Variants in CORO2A observed in about 807,000 individuals in gnomAD.
CORO2A encodes the protein coronin 2A, also known as coronin-2A.
CORO2A carries 47 observed loss-of-function variants against 62.4 expected under a neutral mutation model. The observed-to-expected ratio is 0.75, with a 90% CI of 0.60 to 0.96. CORO2A has a LOEUF of 0.96. Ranked by LOEUF, CORO2A falls within the 40% of genes least tolerant of loss-of-function variation. CORO2A has a pLI of 0.00. For missense variants in CORO2A, 610 were observed against 684.1 expected (o/e 0.89, Z 1.21); for synonymous variants, 273 against 268.9 (o/e 1.02, Z -0.15).
At chr9:98,128,461 A>T in intron 9 of CORO2A, 146 bp downstream of exon 9, 2 of 780,598 alleles carry the variant, frequency 2.6e-6, no homozygotes, top group Non-Finnish European at 4.3e-6. Flanking sequence ...CCTGACGCCC[A>T]CTGATGTCAC....
At chr9:98,173,287 T>A (rs1403935899) in intron 1 of CORO2A, among the ~76,000 whole-genome samples, 3 of 152,190 alleles carry the variant, frequency 2.0e-5, no homozygotes, top group Non-Finnish European at 4.4e-5. Context: ...TCTTTGAGAA[T>A]CGCTGCTCTA....
chr9:98,153,649 A>AACACAC (rs55685018), intron 2 of CORO2A, among the ~76,000 whole-genome samples: 8,356 of 133,868 alleles, frequency 0.062, 305 homozygotes, highest in Middle Eastern at 0.12. Context: ...TCTGTTTCCA[A>AACACAC]ACACACACAC....
intron 1 of CORO2A, among the ~76,000 whole-genome samples, chr9:98,164,641 T>G (rs1012572094): frequency 2.0e-5 from 3 of 152,208 alleles, no homozygotes; most frequent in Non-Finnish European, 2.9e-5. Context: ...GACCCTGGTT[T>G]AAACCACCAC....
At chr9:98,157,835 T>TAC (rs1827827930) in intron 1 of CORO2A, among the ~76,000 whole-genome samples, 175 bp from the exon 2 acceptor site, 1 of 152,206 alleles carries the variant, frequency 6.6e-6, no homozygotes, top group Non-Finnish European at 1.5e-5. Flanking sequence ...TTACAGTTAC[T>TAC]TCTGTAGACC....
chr9:98,187,232 G>A (rs7031271), intron 1 of CORO2A, among the ~76,000 whole-genome samples: 52,202 of 145,364 alleles, frequency 0.36, 10,531 homozygotes, highest in African/African-American at 0.58. Context: ...GCAGTGAGCC[G>A]AGATCGTGCT....
At chr9:98,154,327 GTGTA>G (rs1169931692) in intron 2 of CORO2A, among the ~76,000 whole-genome samples, 7,334 of 93,322 alleles carry the variant, frequency 0.079, 737 homozygotes, top group African/African-American at 0.25. Context: ...ATGTGTTTGT[GTGTA>G]TATATATATA....
chr9:98,158,940 G>A (rs557296204), intron 1 of CORO2A, among the ~76,000 whole-genome samples: 4 of 152,156 alleles, frequency 2.6e-5, no homozygotes, highest in East Asian at 1.9e-4. Context: ...GCCTGTGAGA[G>A]GGTCTAGGCC....
intron 2 of CORO2A, among the ~76,000 whole-genome samples, chr9:98,142,371 TC>T (rs1180398445): frequency 2.0e-5 from 3 of 152,244 alleles, no homozygotes; most frequent in Non-Finnish European, 4.4e-5. Context: ...GTGCTGTACT[TC>T]CTGTGCTCTG....
chr9:98,127,719 C>T (rs1827345903), intron 10 of CORO2A, among the ~76,000 whole-genome samples: 1 of 143,746 alleles, frequency 7.0e-6, no homozygotes, highest in South Asian at 2.2e-4. Context: ...GAGGCTGAGG[C>T]ATGAGAATCA....
At position 98,133,172 on chromosome 9, in the gene CORO2A, G is replaced by C. The variant is rs944716767; in HGVS notation, c.514C>G (p.Pro172Ala). ...TGGTGACAGCTAATCGTACTCATGG[G>C]GCTTGTGATGACAGACTCCTTTGTA... ...LDTKESVITS[P>A]MSTISCHQDV... Residue 172 changes from proline to alanine, a missense_variant, in exon 5 of 12, where the codon CCC becomes GCC. Transcript: ENST00000375077. 8.1e-6 allele frequency: 13 copies of C among 1,614,220 alleles called. No homozygotes were observed. The highest frequency in any genetic ancestry group is 1.1e-5 in the Non-Finnish European group (13 of 1,180,042).
rs200790091 is a variant in CORO2A, at chr9:98,148,810, A to AC, written c.201+8649_201+8650insG. On this transcript the variant is annotated intron_variant, in intron 2 of 11. Transcript: ENST00000375077. Reference sequence around the variant, plus strand: ...AACAAAACACACACACACAAAACACAAAAAAAAATGATCAATACTCAATAT... The same window carrying AC: ...AACAAAACACACACACACAAAACACACAAAAAAAATGATCAATACTCAATAT... Among the ~76,000 whole-genome samples, 629 of 68,100 alleles carry AC rather than the reference A, an allele frequency of 9.2e-3. 9 individuals carry two copies. Among genetic ancestry groups the AC allele is most frequent in the African/African-American group, 0.032 (616 of 19,270 alleles). 44.7% of individuals were successfully genotyped at this position (68,100 alleles called of 152,430 possible).
In CORO2A at chr9:98,157,464, T is replaced by C. The variant is rs180798870; in HGVS notation, c.197A>G (p.His66Arg). 1 of 1,614,130 alleles carries C rather than the reference T, an allele frequency of 6.2e-7. No individual in the cohort carries two copies. Among genetic ancestry groups the C allele is most frequent in the Non-Finnish European group, 8.5e-7 (1 of 1,180,016 alleles). Residue 66 changes from histidine to arginine, a missense_variant, in exon 2 of 12, where the codon CAC becomes CGC. Coordinates refer to ENST00000375077, the MANE Select transcript of CORO2A (RefSeq NM_052820.4). ...TGGGCCTGGGGGTGTCCTTACCTGGTGCAGGGGGATGACGAGGAAGGCCCC... is the reference window on the plus strand; with the variant it reads ...TGGGCCTGGGGGTGTCCTTACCTGGCGCAGGGGGATGACGAGGAAGGCCCC... The part of the protein sequence containing the change: ...GGGAFLVIPL[H>R]QTGKLDPHYP...
At position 98,188,757 on chromosome 9, in the gene CORO2A, G is replaced by A. The variant is rs181672949; in HGVS notation, c.-1+3802C>T. On this transcript the variant is annotated intron_variant, in intron 1 of 11. Transcript: ENST00000375077. Reference sequence around the variant, plus strand: ...TGCACTTCAGCCTGGGAGACAGAGCGAGACTCTGTCTCAGAAAACAACAAC... The same window carrying A: ...TGCACTTCAGCCTGGGAGACAGAGCAAGACTCTGTCTCAGAAAACAACAAC... 2.0e-3 allele frequency among the ~76,000 whole-genome samples: 310 copies of A among 152,164 alleles called. 1 individual carries two copies. The highest frequency in any genetic ancestry group is 3.5e-3 in the Non-Finnish European group (238 of 68,004).
chr9:98,128,679 C>T lies in CORO2A; in HGVS notation c.1008G>A (p.Glu336=), dbSNP rs759654091. The part of the protein sequence containing the change: ...PKRGLDVSSC[E]IFRFYKLITT... ...TGATCAGCTTGTAGAAGCGGAAGAT[C>T]TCGCAGGAGGACACGTCGAGTCCTC... The change falls in exon 9 of 12, where the codon GAG becomes GAA. Residue 336 remains glutamate, a synonymous_variant. Transcript: ENST00000375077. The T allele has an allele frequency of 3.1e-6, 5 of 1,614,216 alleles. No individual in the cohort carries two copies. Among genetic ancestry groups the T allele is most frequent in the African/African-American group, 1.3e-5 (1 of 75,058 alleles).
chr9:98,178,167 C>T (rs1302840105), intron 1 of CORO2A, among the ~76,000 whole-genome samples: 1 of 152,136 alleles, frequency 6.6e-6, no homozygotes, highest in African/African-American at 2.4e-5. Context: ...CTGCCTCAGC[C>T]TCCTGAGTAG....
At chr9:98,161,310 T>C (rs1827882551) in intron 1 of CORO2A, among the ~76,000 whole-genome samples, 1 of 151,938 alleles carries the variant, frequency 6.6e-6, no homozygotes, top group African/African-American at 2.4e-5. Context: ...TCCCAGCACT[T>C]TGGGAGGCTG....
chr9:98,166,482 G>A (rs1221647934), intron 1 of CORO2A, among the ~76,000 whole-genome samples: 1 of 152,208 alleles, frequency 6.6e-6, no homozygotes, highest in East Asian at 1.9e-4. Flanking sequence ...TGTTAATGTT[G>A]AGAATATATA....
intron 8 of CORO2A, 59 bp downstream of exon 8, chr9:98,129,735 C>T: frequency 7.4e-7 from 1 of 1,347,678 alleles, no homozygotes; most frequent in African/African-American, 1.4e-5. Flanking sequence ...CTGATTCTCC[C>T]ACCTCGGCCT....
intron 2 of CORO2A, among the ~76,000 whole-genome samples, chr9:98,148,573 C>T (rs1249944189): frequency 6.6e-6 from 1 of 151,718 alleles, no homozygotes; most frequent in East Asian, 1.9e-4. Flanking sequence ...AACCTCACCT[C>T]TACATAAAAA....
Sources: allele counts gnomAD v4.1 joint callset (sites outside exome capture counted in the v4.1 genomes callset), GRCh38; gene constraint gnomAD v4.1.1; transcripts MANE v1.5; gene names NCBI Gene and HGNC (gene_info 2026-07-23, HGNC 2026-07-21).